Variants in DCAF8L2 observed in about 807,000 individuals in gnomAD.
The protein encoded by DCAF8L2 is DDB1- and CUL4-associated factor 8-like protein 2.
For synonymous variants in DCAF8L2, 200 were observed against 190.9 expected (o/e 1.05, Z -0.39); for missense variants, 430 against 490.7 (o/e 0.88, Z 1.17).
chrX:27,496,729 A>T, the DCAF8L2 span, among the ~76,000 whole-genome samples: 1 of 112,092 alleles, frequency 8.9e-6, no homozygotes, highest in Admixed American at 9.5e-5. Context: ...AGTATGTTTC[A>T]CATTTCTTCT....
chrX:27,721,032 G>A lies in DCAF8L2; in HGVS notation c.-59+4861G>A, dbSNP rs140346275. Among the ~76,000 whole-genome samples the A allele has an allele frequency of 7.7e-3, 857 of 111,492 alleles. 11 individuals are homozygous for A. The highest frequency in any genetic ancestry group is 0.027 in the African/African-American group (817 of 30,818). On this transcript the variant is annotated intron_variant, in intron 4 of 4. Coordinates refer to ENST00000451261, the MANE Select transcript of DCAF8L2 (RefSeq NM_001353450.2). ...TTGTATTGTATTGGTCTTATAAATT[G>A]TAAGCTTGAAAAGTGTGATTGTTAA...
At chrX:27,553,225 A>G in the DCAF8L2 span, among the ~76,000 whole-genome samples, 8 of 111,285 alleles carry the variant, frequency 7.2e-5, no homozygotes, top group Non-Finnish European at 1.3e-4. Flanking sequence ...TGTGTATTCT[A>G]TGGCTGTTGG....
intron 3 of DCAF8L2, among the ~76,000 whole-genome samples, chrX:27,690,429 G>A (rs1930671878): frequency 9.0e-6 from 1 of 111,564 alleles, no homozygotes. Context: ...TGTCTTGACT[G>A]TGGCTCTTAA....
chrX:27,610,742 T>C (rs1426411654), intron 1 of DCAF8L2, among the ~76,000 whole-genome samples: 1 of 112,056 alleles, frequency 8.9e-6, no homozygotes, highest in African/African-American at 3.2e-5. Context: ...GCTACAAGGA[T>C]TGTGGTCCCC....
chrX:27,700,705 T>C (rs1399076442), intron 3 of DCAF8L2, among the ~76,000 whole-genome samples: 2 of 111,783 alleles, frequency 1.8e-5, no homozygotes, highest in Non-Finnish European at 3.8e-5. Context: ...ATTACGTTTA[T>C]TATGTTCTAA....
intron 1 of DCAF8L2, among the ~76,000 whole-genome samples, chrX:27,593,680 A>G (rs1392622725): frequency 8.9e-6 from 1 of 111,935 alleles, no homozygotes; most frequent in Non-Finnish European, 1.9e-5. Flanking sequence ...GAAGGACTAC[A>G]GAAAACAGAT....
At chrX:27,539,621 A>T in the DCAF8L2 span, among the ~76,000 whole-genome samples, 1 of 112,068 alleles carries the variant, frequency 8.9e-6, no homozygotes, top group African/African-American at 3.2e-5. Flanking sequence ...AGATTAAATC[A>T]TCAAAATTTT....
rs1210305650 is a variant in DCAF8L2, at chrX:27,748,008, A to G, written c.1113A>G (p.Thr371=). The G allele has an allele frequency of 8.3e-7, 1 of 1,211,750 alleles. No individual in the cohort carries two copies. The highest frequency in any genetic ancestry group is 3.0e-5 in the East Asian group (1 of 33,828). Residue 371 remains threonine (T), a synonymous_variant, in exon 5 of 5, where the codon ACA becomes ACG. Coordinates refer to ENST00000451261, the MANE Select transcript of DCAF8L2 (RefSeq NM_001353450.2). ...RENDKKVGLY[T]ITVNPANTYQ... ...ATGATAAGAAAGTGGGACTGTATAC[A>G]ATTACTGTGAATCCCGCCAATACCT...
the DCAF8L2 span, among the ~76,000 whole-genome samples, chrX:27,528,330 G>A: frequency 9.3e-6 from 1 of 106,957 alleles, no homozygotes; most frequent in Non-Finnish European, 1.9e-5. Context: ...TCTCACACAG[G>A]AAGATGGTAT....
intron 4 of DCAF8L2, among the ~76,000 whole-genome samples, chrX:27,730,205 T>C (rs777151342): frequency 2.9e-4 from 33 of 112,010 alleles, no homozygotes; most frequent in African/African-American, 6.8e-4. Context: ...GGAGAAAAGA[T>C]ATTGGATTTT....
At chrX:27,601,994 G>A (rs922387531) in intron 1 of DCAF8L2, among the ~76,000 whole-genome samples, 1 of 111,530 alleles carries the variant, frequency 9.0e-6, no homozygotes, top group African/African-American at 3.3e-5. Flanking sequence ...TAACACTTAC[G>A]GATTCCTGGG....
chrX:27,656,292 C>T (rs938906971), intron 2 of DCAF8L2, among the ~76,000 whole-genome samples: 1 of 111,717 alleles, frequency 9.0e-6, no homozygotes, highest in Non-Finnish European at 1.9e-5. Flanking sequence ...CAGCGGTATC[C>T]GAAAACAAAC....
chrX:27,477,490 T>C, the DCAF8L2 span, among the ~76,000 whole-genome samples: 1 of 111,294 alleles, frequency 9.0e-6, no homozygotes, highest in East Asian at 2.9e-4. Flanking sequence ...GGTTTCATCG[T>C]GTTAGCCAGG....
At chrX:27,672,310 G>T (rs758106160) in intron 2 of DCAF8L2, among the ~76,000 whole-genome samples, 1 of 111,667 alleles carries the variant, frequency 9.0e-6, no homozygotes, top group Non-Finnish European at 1.9e-5. Context: ...TTGGGTAATC[G>T]TTTTTAAACA....
chrX:27,578,102 C>T, the DCAF8L2 span, among the ~76,000 whole-genome samples: 1 of 111,416 alleles, frequency 9.0e-6, no homozygotes, highest in African/African-American at 3.3e-5. Flanking sequence ...CAAGACAATC[C>T]TAAGCAAACA....
the DCAF8L2 span, among the ~76,000 whole-genome samples, chrX:27,482,141 A>G: frequency 8.1e-5 from 9 of 111,639 alleles, 1 homozygote; most frequent in Admixed American, 8.6e-4. Context: ...ATTTAAATCG[A>G]GTTATGCCTT....
chrX:27,484,167 T>C, the DCAF8L2 span, among the ~76,000 whole-genome samples: 1 of 111,853 alleles, frequency 8.9e-6, no homozygotes, highest in Non-Finnish European at 1.9e-5. Flanking sequence ...TACTTGTCTA[T>C]CAGTTACAGC....
rs183265264 is a variant in DCAF8L2, at chrX:27,721,165, T to C, written c.-59+4994T>C. On this transcript the variant is annotated intron_variant, in intron 4 of 4. Coordinates refer to ENST00000451261, the MANE Select transcript of DCAF8L2 (RefSeq NM_001353450.2). ...TTATTTTTCAATCAAATTGTAGGCC[T>C]TTCATTTATTTATCCATTCATTCCA... 3.6e-5 allele frequency among the ~76,000 whole-genome samples: 4 copies of C among 111,992 alleles called. No individual in the cohort carries two copies. In the East Asian group the frequency reaches 1.1e-3, roughly 31 times the overall value.
intron 3 of DCAF8L2, among the ~76,000 whole-genome samples, chrX:27,713,412 G>A (rs1931593410): frequency 9.0e-6 from 1 of 111,444 alleles, no homozygotes; most frequent in Non-Finnish European, 1.9e-5. Flanking sequence ...AAAGAGCAGT[G>A]TGTATGAAGT....
Sources: gnomAD v4.1 joint callset for allele counts (sites outside exome capture counted in the v4.1 genomes callset) on GRCh38, gnomAD v4.1.1 for gene constraint, MANE v1.5 for transcripts, NCBI Gene and HGNC (gene_info 2026-07-23, HGNC 2026-07-21) for gene names.